ITGA1: variants seen among roughly 807,000 people sequenced by gnomAD.
The protein encoded by ITGA1 is integrin subunit alpha 1.
A neutral mutation model predicts 145.9 loss-of-function variants in ITGA1; 85 were observed. The observed-to-expected ratio is 0.58, with a 90% CI of 0.49 to 0.70. The LOEUF (loss-of-function observed/expected upper bound fraction) is 0.70, where lower values mean the gene tolerates loss of function less well. Among genes scored for constraint, ITGA1 ranks in the 30% least tolerant of loss-of-function variants. ITGA1 has a pLI of 0.00. For missense variants in ITGA1, 1,351 were observed against 1,418.7 expected, an observed-to-expected ratio of 0.95 and a Z score of 0.77; for synonymous variants, 520 against 495.3, an observed-to-expected ratio of 1.05 and a Z score of -0.66.
chr5:52,919,643 T>C (rs994136217), intron 16 of ITGA1, among the ~76,000 whole-genome samples: 3 of 152,194 alleles, frequency 2.0e-5, no homozygotes, highest in Admixed American at 6.5e-5. Flanking sequence ...TGCTCTGAAA[T>C]AGCCTCCTGA....
chr5:52,829,121 C>T lies in ITGA1; in HGVS notation c.62-20244C>T, dbSNP rs149545149. Among the ~76,000 whole-genome samples, 58 of 152,148 alleles carry T rather than the reference C, an allele frequency of 3.8e-4. 1 individual carries two copies. The East Asian group carries it at 5.4e-3, about 14-fold the overall frequency. The stretch of plus-strand genomic sequence containing the variant: ...AGGTCACATTTACAGATACCGATAC[C>T]GGGGATTAGGACTTAGACAAATTTG... On this transcript the variant is annotated intron_variant, in intron 1 of 28. Coordinates refer to ENST00000282588, the MANE Select transcript of ITGA1 (RefSeq NM_181501.2).
Position 52,947,446 on chromosome 5 carries a change from T to G in ITGA1, c.3480T>G (p.Ile1160Met), listed in dbSNP as rs1450673288. 1 of 1,611,664 alleles carries G rather than the reference T, an allele frequency of 6.2e-7. No individual in the cohort carries two copies. The highest frequency in any genetic ancestry group is 1.3e-5 in the African/African-American group (1 of 74,880). Residue 1160 changes from isoleucine (I) to methionine (M), a missense_variant, in exon 28 of 29, where the codon ATT (isoleucine) becomes ATG (methionine). Ile to Met is a conservative substitution (Grantham distance 10). Coordinates refer to ENST00000282588, the MANE Select transcript of ITGA1 (RefSeq NM_181501.2). ...GATTGTTGCTGTTAATGCTGCTCATTTTAGCACTGTGGAAGGTAAACACCA... is the reference window on the plus strand; with the variant it reads ...GATTGTTGCTGTTAATGCTGCTCATGTTAGCACTGTGGAAGGTAAACACCA... Reference protein sequence around the residue: ...FAGLLLLMLLILALWKIGFFK... With the variant: ...FAGLLLLMLLMLALWKIGFFK...
chr5:52,905,863 G>T lies in ITGA1; in HGVS notation c.1410G>T (p.Met470Ile). ...CAGGCCAGGTCATTATCTACAGGAT[G>T]GAAGATGGAAACATCAAAATTCTCC... Reference protein sequence around the residue: ...NHTGQVIIYRMEDGNIKILQT... With the variant: ...NHTGQVIIYRIEDGNIKILQT... Residue 470 changes from methionine (M) to isoleucine (I), a missense_variant, in exon 12 of 29, where the codon ATG becomes ATT. Met to Ile is a conservative substitution (Grantham distance 10, BLOSUM62 1). Coordinates refer to ENST00000282588, the MANE Select transcript of ITGA1 (RefSeq NM_181501.2). 6.2e-7 allele frequency: 1 copy of T among 1,613,402 alleles called. No homozygotes were observed. The highest frequency in any genetic ancestry group is 8.5e-7 in the Non-Finnish European group (1 of 1,179,604).
chr5:52,899,247 T>G (rs1229916646), intron 11 of ITGA1, among the ~76,000 whole-genome samples: 1 of 152,216 alleles, frequency 6.6e-6, no homozygotes, highest in Non-Finnish European at 1.5e-5. Flanking sequence ...GGGATCTTTC[T>G]GTCCCGGAGA....
intron 13 of ITGA1, 102 bp downstream of exon 13, chr5:52,909,143 C>A: frequency 8.1e-7 from 1 of 1,234,424 alleles, no homozygotes. Context: ...AAAAACAGAG[C>A]AAAGAAGCTA....
rs150535003 is a variant in ITGA1, at chr5:52,850,771, C to A, written c.182+1286C>A. On this transcript the variant is annotated intron_variant, in intron 2 of 28. Coordinates refer to ENST00000282588, the MANE Select transcript of ITGA1 (RefSeq NM_181501.2). Reference sequence around the variant, plus strand: ...ATCTCAGATGACAAACCCAATGCTACATGCTAAATTTTTAAGTTCCCTTTC... The same window carrying A: ...ATCTCAGATGACAAACCCAATGCTAAATGCTAAATTTTTAAGTTCCCTTTC... Among the ~76,000 whole-genome samples, 934 of 152,298 alleles carry A rather than the reference C, an allele frequency of 6.1e-3. 12 individuals are homozygous for A. The highest frequency in any genetic ancestry group is 0.021 in the African/African-American group (892 of 41,578).
intron 1 of ITGA1, among the ~76,000 whole-genome samples, chr5:52,835,147 G>GC (rs1749144117): frequency 6.6e-6 from 1 of 152,036 alleles, no homozygotes; most frequent in African/African-American, 2.4e-5. Flanking sequence ...GTACACTGCT[G>GC]CCCCAAGTAA....
intron 1 of ITGA1, among the ~76,000 whole-genome samples, chr5:52,823,711 C>T (rs181505201): frequency 5.7e-4 from 87 of 152,112 alleles, no homozygotes; most frequent in South Asian, 2.1e-3. Flanking sequence ...AATATCCCAA[C>T]GGAGACTGAG....
chr5:52,871,889 C>T (rs532229172), intron 6 of ITGA1, among the ~76,000 whole-genome samples: 6 of 152,276 alleles, frequency 3.9e-5, no homozygotes, highest in Admixed American at 3.3e-4. Context: ...ACCTGAAACA[C>T]TCTGAGCTTG....
chr5:52,825,638 G>A (rs2111711534), intron 1 of ITGA1, among the ~76,000 whole-genome samples: 1 of 152,240 alleles, frequency 6.6e-6, no homozygotes, highest in East Asian at 1.9e-4. Context: ...GTCTAAAATA[G>A]GCAGGGCACA....
Position 52,922,805 on chromosome 5 carries a change from G to A in ITGA1, c.2321G>A (p.Arg774Lys), listed in dbSNP as rs1218196088. The A allele has an allele frequency of 6.2e-7, 1 of 1,613,074 alleles. No individual in the cohort carries two copies. Among genetic ancestry groups the A allele is most frequent in the African/African-American group, 1.3e-5 (1 of 75,024 alleles). The change falls in exon 18 of 29, where the codon AGA becomes AAA. Residue 774 changes from arginine to lysine, a missense_variant. By Grantham distance (26) the Arg-to-Lys change is conservative. Transcript: ENST00000282588. ...AAGCATGACTTTCAGGACTCTGTGA[G>A]AATAACGTTGGACTTTAATCTTACC... The part of the protein sequence containing the change: ...LDKHDFQDSV[R>K]ITLDFNLTDP...
chr5:52,886,999 G>T (rs183298855), intron 7 of ITGA1, among the ~76,000 whole-genome samples: 69 of 152,196 alleles, frequency 4.5e-4, no homozygotes, highest in Non-Finnish European at 7.4e-4. Context: ...GGATAGTCTC[G>T]ATCTCTTGAC....
Position 52,944,874 on chromosome 5 carries a change from A to G in ITGA1, c.3286-69A>G. The G allele has an allele frequency of 4.7e-6, 5 of 1,053,692 alleles. No homozygotes were observed. In the South Asian group the frequency reaches 6.9e-5, roughly 14 times the overall value. The allele number at this position is 1,053,692 out of a possible 1,614,324, so 65.3% of individuals were successfully genotyped here. A position where few individuals can be genotyped will look rare whatever the true frequency, so the allele number is the denominator to read the frequency against. ...AAATCTTAGCTTTTATAAATGTCCT[A>G]CTCAAACATGACTAGCTCTCATTTT... On this transcript the variant is annotated intron_variant, in intron 26 of 28. Transcript: ENST00000282588.
chr5:52,837,078 A>G (rs1176304394), intron 1 of ITGA1, among the ~76,000 whole-genome samples: 1 of 152,198 alleles, frequency 6.6e-6, no homozygotes, highest in Non-Finnish European at 1.5e-5. Flanking sequence ...ATTTTTGAGA[A>G]AGTCCAGTAA....
intron 1 of ITGA1, chr5:52,824,444 AC>A (rs1248979287): frequency 1.3e-5 from 2 of 152,102 alleles, no homozygotes; most frequent in African/African-American, 2.4e-5. Context: ...AGCATGTGCC[AC>A]CACGCCCTGC....
intron 14 of ITGA1, among the ~76,000 whole-genome samples, chr5:52,911,860 T>C (rs557090529): frequency 1.5e-4 from 21 of 135,828 alleles, no homozygotes; most frequent in East Asian, 1.3e-3. Context: ...ATACACACAC[T>C]ATATATAGTA....
intron 26 of ITGA1, among the ~76,000 whole-genome samples, chr5:52,940,501 C>T (rs1032395188): frequency 4.0e-5 from 6 of 151,324 alleles, no homozygotes; most frequent in East Asian, 1.9e-4. Flanking sequence ...CTCCACCTCC[C>T]GGGTTCACGC....
At chr5:52,791,946 G>GC (rs1748250656) in intron 1 of ITGA1, among the ~76,000 whole-genome samples, 1 of 151,976 alleles carries the variant, frequency 6.6e-6, no homozygotes, top group African/African-American at 2.4e-5. Flanking sequence ...TGCTATATTG[G>GC]CTGCCTAAAG....
chr5:52,840,361 T>A (rs1749232928), intron 1 of ITGA1, among the ~76,000 whole-genome samples: 1 of 152,218 alleles, frequency 6.6e-6, no homozygotes, highest in South Asian at 2.1e-4. Context: ...CGGAAATTAA[T>A]GAGTTCAGCG....
Sources: allele counts gnomAD v4.1 joint callset (sites outside exome capture counted in the v4.1 genomes callset), GRCh38; gene constraint gnomAD v4.1.1; transcripts MANE v1.5; gene names NCBI Gene and HGNC (gene_info 2026-07-23, HGNC 2026-07-21).